MAX: variants seen among roughly 807,000 people sequenced by gnomAD.
The protein encoded by MAX is protein max.
A neutral mutation model predicts 22.3 loss-of-function variants in MAX; 3 were observed. That is an observed-to-expected ratio of 0.13 (90% CI 0.06 to 0.35). The LOEUF (loss-of-function observed/expected upper bound fraction) is 0.35, where lower values mean the gene tolerates loss of function less well. Ranked by LOEUF, MAX falls within the 10% of genes least tolerant of loss-of-function variation. The probability of loss-of-function intolerance (pLI) is 1.00; values close to 1 mark genes in which losing one functional copy is unlikely to be tolerated. For synonymous variants in MAX, 72 were observed against 77.7 expected, an observed-to-expected ratio of 0.93 and a Z score of 0.39; for missense variants, 119 against 209.4, an observed-to-expected ratio of 0.57 and a Z score of 2.66.
In MAX at chr14:65,077,004, G is replaced by A; in HGVS notation, c.296-341C>T. 1 of 542,440 alleles carries A rather than the reference G, an allele frequency of 1.8e-6. No individual in the cohort carries two copies. The highest frequency in any genetic ancestry group is 3.3e-6 in the Non-Finnish European group (1 of 303,106). The allele number at this position is 542,440 out of a possible 1,614,324, so 33.6% of individuals were successfully genotyped here. On this transcript the variant is annotated intron_variant, in intron 4 of 4. Coordinates refer to ENST00000358664, the MANE Select transcript of MAX (RefSeq NM_002382.5). The surrounding 1 kb of genome is among the most constrained non-coding windows in gnomAD (Gnocchi z 6.3). ...GCAGTGCAATAACAGAGGAGAAGCT[G>A]GCCCAGGAGCATGAGGCTCCACAAG...
At chr14:65,010,746 T>C (rs1286280479) in intron 3 of MAX, among the ~76,000 whole-genome samples, 1 of 152,126 alleles carries the variant, frequency 6.6e-6, no homozygotes, top group East Asian at 1.9e-4. Context: ...TCCTTGTTTT[T>C]TTGTTTGTTT....
chr14:65,040,643 GTTAA>G (rs1325709872), intron 3 of MAX: 4 of 379,654 alleles, frequency 1.1e-5, no homozygotes, highest in African/African-American at 8.8e-5. Context: ...ATTTCCAAAA[GTTAA>G]TTAGTTGGCA....
At chr14:65,040,718 C>T in intron 3 of MAX, 7 of 1,508,858 alleles carry the variant, frequency 4.6e-6, no homozygotes, top group Non-Finnish European at 6.3e-6. Context: ...TTCTCTGCCA[C>T]CTAGGATGGT....
chr14:65,037,925 G>T (rs567126272), intron 3 of MAX, among the ~76,000 whole-genome samples: 75 of 151,658 alleles, frequency 4.9e-4, no homozygotes, highest in African/African-American at 1.8e-3. Context: ...GATTATAGGC[G>T]TGCGCCACGA....
In MAX at chr14:65,047,872, G is replaced by A. The variant is rs1278619801; in HGVS notation, c.172-41588C>T. On this transcript the variant is annotated intron_variant, in intron 3 of 3. Transcript: ENST00000341653. This position sits in a 1 kb window ranked among gnomAD's most constrained non-coding sequence, Gnocchi z 5.2. ...GGAGCAGTGCCTGGGCACACAGCCC[G>A]AGATGTACACAGCTTTTCCTGGAAC... 4.6e-5 allele frequency among the ~76,000 whole-genome samples: 7 copies of A among 152,124 alleles called. No individual in the cohort carries two copies. Among genetic ancestry groups the A allele is most frequent in the South Asian group, 2.1e-4 (1 of 4,822 alleles).
chr14:65,027,925 A>G lies in MAX; in HGVS notation c.172-21641T>C, dbSNP rs2062013526. ...TGGGATGACATGTCAGTGACACGTC[A>G]GAATCATTCAGATGTGATGCAGATG... On this transcript the variant is annotated intron_variant, in intron 3 of 3. Coordinates refer to the MAX transcript ENST00000341653. This position sits in a 1 kb window ranked among gnomAD's most constrained non-coding sequence, Gnocchi z 5.7. The G allele has an allele frequency of 2.0e-6, 2 of 1,003,236 alleles. No homozygotes were observed. The highest frequency in any genetic ancestry group is 3.2e-5 in the African/African-American group (2 of 62,080). 62.1% of individuals were successfully genotyped at this position (1,003,236 alleles called of 1,614,324 possible). A position where few individuals can be genotyped will look rare whatever the true frequency, so the allele number is the denominator to read the frequency against.
chr14:65,089,349 G>A (rs2063432681), intron 3 of MAX, among the ~76,000 whole-genome samples: 1 of 152,120 alleles, frequency 6.6e-6, no homozygotes, highest in Admixed American at 6.5e-5. Flanking sequence ...TTCATTTGAA[G>A]TTATATTCTC....
At position 65,030,501 on chromosome 14, in the gene MAX, G is replaced by A. The variant is rs2062059769; in HGVS notation, c.172-24217C>T. 6.6e-6 allele frequency among the ~76,000 whole-genome samples: 1 copy of A among 152,166 alleles called. No individual in the cohort carries two copies. Among genetic ancestry groups the A allele is most frequent in the African/African-American group, 2.4e-5 (1 of 41,446 alleles). ...TGTCTGTAATCTCAACACTTTGAGA[G>A]ACTGAGATGAGAGAATCACTTGAGG... On this transcript the variant is annotated intron_variant, in intron 3 of 3. Transcript: ENST00000341653. The surrounding 1 kb of genome is among the most constrained non-coding windows in gnomAD (Gnocchi z 4.5).
chr14:65,052,038 A>AC (rs1403469124), intron 3 of MAX, among the ~76,000 whole-genome samples: 1 of 150,782 alleles, frequency 6.6e-6, no homozygotes, highest in African/African-American at 2.4e-5. Flanking sequence ...CTCGTGATCA[A>AC]CCCCCCTCAG....
rs534821877 is a variant in MAX at position 65,027,803 on chromosome 14, C to T, written c.172-21519G>A. On this transcript the variant is annotated intron_variant, in intron 3 of 3. Coordinates refer to the MAX transcript ENST00000341653. The surrounding 1 kb of genome is among the most constrained non-coding windows in gnomAD (Gnocchi z 5.7). Reference sequence around the variant, plus strand: ...TGAGGTGAGTGGGGTTTTGCACAGGCTGCCACATCAGTTGACTCTAGAGCT... The same window carrying T: ...TGAGGTGAGTGGGGTTTTGCACAGGTTGCCACATCAGTTGACTCTAGAGCT... The T allele has an allele frequency of 6.2e-7, 1 of 1,613,864 alleles. No individual in the cohort carries two copies. The highest frequency in any genetic ancestry group is 1.1e-5 in the South Asian group (1 of 91,052).
At chr14:65,080,643 C>T (rs762806079) in intron 3 of MAX, among the ~76,000 whole-genome samples, 3 of 152,222 alleles carry the variant, frequency 2.0e-5, no homozygotes, top group Non-Finnish European at 4.4e-5. Flanking sequence ...CCCCATCTAG[C>T]CCTCCAAAGT....
rs555837062 is a variant in MAX at position 65,031,458 on chromosome 14, C to T, written c.172-25174G>A. 1.1e-4 allele frequency among the ~76,000 whole-genome samples: 17 copies of T among 151,888 alleles called. No homozygotes were observed. Among genetic ancestry groups the T allele is most frequent in the East Asian group, 9.9e-4 (5 of 5,070 alleles). On this transcript the variant is annotated intron_variant, in intron 3 of 3. Coordinates refer to the MAX transcript ENST00000341653. The surrounding 1 kb of genome is among the most constrained non-coding windows in gnomAD (Gnocchi z 4.6). Reference sequence around the variant, plus strand: ...TCAGCCTCCCAAGTAGTTGGGACTACGGGCACACGCCACCATGCCCAGCTA... The same window carrying T: ...TCAGCCTCCCAAGTAGTTGGGACTATGGGCACACGCCACCATGCCCAGCTA...
At chr14:65,100,502 C>T (rs1201014057) in intron 2 of MAX, among the ~76,000 whole-genome samples, 1 of 151,828 alleles carries the variant, frequency 6.6e-6, no homozygotes, top group Non-Finnish European at 1.5e-5. Context: ...CAATACTGAC[C>T]CTTCACTCCT....
At position 65,075,736 on chromosome 14, in the gene MAX, G is replaced by A. The variant is rs761415347; in HGVS notation, c.*740C>T. On this transcript the variant is annotated 3_prime_UTR_variant, in exon 5 of 5. Coordinates refer to ENST00000358664, the MANE Select transcript of MAX (RefSeq NM_002382.5). This position sits in a 1 kb window ranked among gnomAD's most constrained non-coding sequence, Gnocchi z 4.1. ...CCCAACCCCAAATGGCCACTCCCTG[G>A]TGGCTGCTGCTTCACTGCTGCCATC... 7 of 1,066,276 alleles carry A rather than the reference G, an allele frequency of 6.6e-6. No individual in the cohort carries two copies. The African/African-American group carries it at 9.8e-5, about 15-fold the overall frequency. The allele number at this position is 1,066,276 out of a possible 1,614,324, so 66.1% of individuals were successfully genotyped here. A position where few individuals can be genotyped will look rare whatever the true frequency, so the allele number is the denominator to read the frequency against.
chr14:65,015,730 T>G, intron 3 of MAX: 2 of 1,611,654 alleles, frequency 1.2e-6, no homozygotes, highest in Non-Finnish European at 1.7e-6. Context: ...AGTCTGTCTT[T>G]GGGAAATCTG....
chr14:65,092,994 T>C (rs921857225), intron 3 of MAX, among the ~76,000 whole-genome samples: 5 of 152,364 alleles, frequency 3.3e-5, no homozygotes, highest in African/African-American at 1.2e-4. Flanking sequence ...TGCAGATGTT[T>C]TCTCCAAATT....
At chr14:65,064,890 C>T (rs1419993642) in intron 3 of MAX, among the ~76,000 whole-genome samples, 2 of 152,284 alleles carry the variant, frequency 1.3e-5, no homozygotes, top group African/African-American at 4.8e-5. Context: ...CCATGCCACT[C>T]CTCCCCACCT....
At chr14:65,051,304 C>T (rs1324538527) in intron 3 of MAX, among the ~76,000 whole-genome samples, 2 of 152,206 alleles carry the variant, frequency 1.3e-5, no homozygotes, top group Non-Finnish European at 2.9e-5. Context: ...TTCTTATTGT[C>T]TGTTTGAAAT....
chr14:65,063,058 C>T (rs1023000996), intron 3 of MAX, among the ~76,000 whole-genome samples: 1 of 152,190 alleles, frequency 6.6e-6, no homozygotes, highest in African/African-American at 2.4e-5. Context: ...CTTGGCTTTC[C>T]CTTCCTCTGG....
Sources: allele counts gnomAD v4.1 joint callset (sites outside exome capture counted in the v4.1 genomes callset), GRCh38; gene constraint gnomAD v4.1.1; non-coding constraint Gnocchi (gnomAD v3.1); transcripts MANE v1.5; gene names NCBI Gene and HGNC (gene_info 2026-07-23, HGNC 2026-07-21).